Variants in RPS13 observed in about 807,000 individuals in gnomAD.
RPS13 encodes the protein ribosomal protein S13.
In RPS13, 1 loss-of-function variant was observed where a neutral mutation model predicts 24.6. The observed-to-expected ratio is 0.04, with a 90% CI of 0.01 to 0.19. The LOEUF (loss-of-function observed/expected upper bound fraction) is 0.19. Among genes scored for constraint, RPS13 ranks in the 10% least tolerant of loss-of-function variants. The pLI is 1.00. For synonymous variants in RPS13, 69 were observed against 65.3 expected (o/e 1.06, Z -0.27); for missense variants, 88 against 187.4 (o/e 0.47, Z 3.10).
At chr11:17,074,535 A>T in intron 5 of RPS13, 69 bp from the exon 6 acceptor site, 2 of 1,170,456 alleles carry the variant, frequency 1.7e-6, no homozygotes, top group Non-Finnish European at 1.3e-6. Context: ...TCATTAACAG[A>T]ATCTCCCCAC....
chr11:17,077,313 T>G, intron 2 of RPS13, 67 bp from the exon 3 acceptor site: 1 of 1,574,702 alleles, frequency 6.4e-7, no homozygotes, highest in Non-Finnish European at 8.7e-7. Flanking sequence ...CAGCGGTCTC[T>G]CCTTCCGCAA....
At chr11:17,074,663 C>T (rs1243381362) in intron 5 of RPS13, 197 bp from the exon 6 acceptor site, 3 of 710,800 alleles carry the variant, frequency 4.2e-6, no homozygotes, top group African/African-American at 1.7e-5. Context: ...CTCACTCAGA[C>T]ATCCAAGGAA....
rs763860154 is a variant in RPS13, at chr11:17,077,383, G to C, written c.72+46C>G. ...TGGCGTCGCTTCACCCGAGACAAATGCCAACCCCCTCCCCGGATTCTCCCC... is the reference window on the plus strand; with the variant it reads ...TGGCGTCGCTTCACCCGAGACAAATCCCAACCCCCTCCCCGGATTCTCCCC... On this transcript the variant is annotated intron_variant, in intron 2 of 5. Transcript: ENST00000525634. 3 of 1,596,422 alleles carry C rather than the reference G, an allele frequency of 1.9e-6. No individual in the cohort carries two copies. The South Asian group carries it at 3.3e-5, about 18-fold the overall frequency.
At chr11:17,077,300 G>A in intron 2 of RPS13, 54 bp from the exon 3 acceptor site, 1 of 1,577,428 alleles carries the variant, frequency 6.3e-7, no homozygotes, top group South Asian at 1.1e-5. Flanking sequence ...TGGCGCCGCA[G>A]AACAGCGGTC....
chr11:17,075,710 T>C (rs768569743), intron 3 of RPS13, 87 bp from the exon 4 acceptor site: 1 of 1,062,782 alleles, frequency 9.4e-7, no homozygotes, highest in South Asian at 1.4e-5. Flanking sequence ...CAGGGCATAG[T>C]TTCCTATCTG....
At chr11:17,075,427 A>G (rs1848011015) in intron 4 of RPS13, 27 bp downstream of exon 4, 1 of 1,520,400 alleles carries the variant, frequency 6.6e-7, no homozygotes, top group Non-Finnish European at 8.8e-7. Context: ...AGTCCTACTT[A>G]GCACCAGGTT....
chr11:17,077,073 G>T, intron 3 of RPS13, 95 bp downstream of exon 3: 1 of 932,430 alleles, frequency 1.1e-6, no homozygotes, highest in Non-Finnish European at 1.7e-6. Flanking sequence ...CGAGACCAGA[G>T]TTTTGGCTAT....
intron 4 of RPS13, 115 bp from the exon 5 acceptor site, chr11:17,075,312 G>C (rs2137237129): frequency 5.0e-6 from 5 of 999,238 alleles, no homozygotes; most frequent in Non-Finnish European, 7.4e-6. Context: ...AAATCTCTTT[G>C]GATAGAATTT....
rs1165146530 is a variant in RPS13 at position 17,075,636 on chromosome 11, T to C, written c.152-13A>G. 2.5e-6 allele frequency: 4 copies of C among 1,585,186 alleles called. No individual in the cohort carries two copies. The highest frequency in any genetic ancestry group is 3.4e-6 in the Non-Finnish European group (4 of 1,169,306). On this transcript the variant is annotated splice_polypyrimidine_tract_variant and intron_variant, in intron 3 of 5. Transcript: ENST00000525634. ...CTCAGGATTACACCTGAAAAGGGAA[T>C]CACGTTTTAACTTTCAACACGAAAC...
intron 5 of RPS13, 21 bp downstream of exon 5, chr11:17,075,076 G>C (rs759334677): frequency 1.3e-6 from 2 of 1,516,780 alleles, no homozygotes; most frequent in Admixed American, 1.8e-5. Context: ...TGATAACAAC[G>C]ACAAAAGAGT....
chr11:17,076,406 AT>A, intron 3 of RPS13: 1 of 300,036 alleles, frequency 3.3e-6, no homozygotes, highest in Non-Finnish European at 6.6e-6. Context: ...AAACACACAA[AT>A]TAGCTGGGCC....
rs764104648 is a variant in RPS13, at chr11:17,077,226, G to A, written c.93C>T (p.Asp31=). The A allele has an allele frequency of 9.9e-6, 16 of 1,613,624 alleles. No individual in the cohort carries two copies. Among genetic ancestry groups the A allele is most frequent in the Admixed American group, 3.3e-5 (2 of 59,988 alleles). Residue 31 remains aspartate (D), a synonymous_variant, in exon 3 of 6, where the codon GAC becomes GAT. Coordinates refer to ENST00000525634, the MANE Select transcript of RPS13 (RefSeq NM_001017.3). ...GTTTGTAAATCTGCTCCTTCACGTC[G>A]TCAGATGTCAACTTCAACCACTGTT... ...SVPTWLKLTS[D]DVKEQIYKLA...
intron 3 of RPS13, 53 bp downstream of exon 3, chr11:17,077,115 T>C: frequency 1.5e-6 from 2 of 1,361,158 alleles, no homozygotes; most frequent in Admixed American, 1.7e-5. Flanking sequence ...TACTAGATCC[T>C]ACAAGTCACA....
At position 17,075,824 on chromosome 11, in the gene RPS13, T is replaced by C. The variant is rs779241009; in HGVS notation, c.152-201A>G. 4 of 674,368 alleles carry C rather than the reference T, an allele frequency of 5.9e-6. No individual in the cohort carries two copies. In the Admixed American group the frequency reaches 6.1e-5, roughly 10 times the overall value. 41.8% of individuals were successfully genotyped at this position (674,368 alleles called of 1,614,324 possible). On this transcript the variant is annotated intron_variant, in intron 3 of 5. Coordinates refer to ENST00000525634, the MANE Select transcript of RPS13 (RefSeq NM_001017.3). ...GGTTTACCCAACACTAAGGAAAACC[T>C]TTCTGGTGGAAACTGCGAATGTTGG... is the stretch of plus-strand genomic sequence containing the variant.
intron 3 of RPS13, chr11:17,075,842 A>G (rs540721990): frequency 9.2e-6 from 6 of 651,092 alleles, no homozygotes; most frequent in Non-Finnish European, 1.4e-5. Context: ...GGAAACTGCG[A>G]ATGTTGGAAA....
chr11:17,075,023 ATAT>A (rs1848005357), intron 5 of RPS13, 71 bp downstream of exon 5: 3 of 1,004,496 alleles, frequency 3.0e-6, no homozygotes, highest in Non-Finnish European at 4.6e-6. Context: ...AAGGCTGAAC[ATAT>A]TTACTACTAG....
chr11:17,075,008 C>T (rs549265426), intron 5 of RPS13, 89 bp downstream of exon 5: 5 of 862,066 alleles, frequency 5.8e-6, no homozygotes, highest in Admixed American at 4.7e-5. Flanking sequence ...TTACTACTAG[C>T]CCCCAAGGCT....
At chr11:17,074,956 T>G (rs1439026716) in intron 5 of RPS13, 141 bp downstream of exon 5, 12 of 638,648 alleles carry the variant, frequency 1.9e-5, no homozygotes, top group Non-Finnish European at 2.8e-5. Flanking sequence ...AGGCCAGAGC[T>G]CAAAGAGCAG....
intron 3 of RPS13, chr11:17,076,401 C>T (rs1373970482): frequency 3.3e-6 from 1 of 298,550 alleles, no homozygotes; most frequent in Non-Finnish European, 6.6e-6. Context: ...AACAAAAACA[C>T]ACAAATTAGC....
Sources: gnomAD v4.1 joint callset for allele counts on GRCh38, gnomAD v4.1.1 for gene constraint, MANE v1.5 for transcripts, NCBI Gene and HGNC (gene_info 2026-07-23, HGNC 2026-07-21) for gene names.